Variants in UBE2V2 observed in about 807,000 individuals in gnomAD.
The protein encoded by UBE2V2 is ubiquitin-conjugating enzyme E2 variant 2.
In UBE2V2, 9 loss-of-function variants were observed where a neutral mutation model predicts 17.2. The observed-to-expected ratio is 0.52, with a 90% confidence interval of 0.32 to 0.91. The LOEUF (loss-of-function observed/expected upper bound fraction) is 0.91. UBE2V2 is among the 40% of genes least tolerant of loss of function. UBE2V2 has a pLI of 0.04. For synonymous variants in UBE2V2, 61 were observed against 57.5 expected (o/e 1.06, Z -0.28); for missense variants, 133 against 182.6 (o/e 0.73, Z 1.56).
intron 1 of UBE2V2, among the ~76,000 whole-genome samples, chr8:48,040,171 G>A (rs2091452058): frequency 6.6e-6 from 1 of 150,390 alleles, no homozygotes; most frequent in Admixed American, 6.7e-5. Flanking sequence ...GCTTGCTCTT[G>A]TGTGTACTCT....
chr8:48,056,731 T>G (rs2091574182), intron 3 of UBE2V2, among the ~76,000 whole-genome samples: 1 of 151,814 alleles, frequency 6.6e-6, no homozygotes, highest in Non-Finnish European at 1.5e-5. Flanking sequence ...TAAGTTTTTT[T>G]GTTTGTTTTT....
At chr8:48,020,770 T>C (rs2091299346) in intron 1 of UBE2V2, among the ~76,000 whole-genome samples, 1 of 152,156 alleles carries the variant, frequency 6.6e-6, no homozygotes, top group South Asian at 2.1e-4. Flanking sequence ...CAAACCTGGC[T>C]AATTTTATTT....
chr8:48,014,939 A>G (rs948522874), intron 1 of UBE2V2, among the ~76,000 whole-genome samples: 1 of 151,220 alleles, frequency 6.6e-6, no homozygotes, highest in South Asian at 2.1e-4. Context: ...AGTCCTGGCT[A>G]CTGGGGAGAC....
At chr8:48,022,680 C>T (rs920616962) in intron 1 of UBE2V2, among the ~76,000 whole-genome samples, 1 of 152,160 alleles carries the variant, frequency 6.6e-6, no homozygotes, top group African/African-American at 2.4e-5. Context: ...TCTTGTAAGG[C>T]AGGTCTTGTG....
rs566837039 is a variant in UBE2V2, at chr8:48,020,810, C to T, written c.16+12340C>T. 3.3e-5 allele frequency among the ~76,000 whole-genome samples: 5 copies of T among 151,860 alleles called. No individual in the cohort carries two copies. In the East Asian group the frequency reaches 5.8e-4, roughly 18 times the overall value. ...GTAGATACGGGGTCTTGCCATGTTGCGCAAGCGGGTTTGAACTCCTGGGCT... is the reference window on the plus strand; with the variant it reads ...GTAGATACGGGGTCTTGCCATGTTGTGCAAGCGGGTTTGAACTCCTGGGCT... On this transcript the variant is annotated intron_variant, in intron 1 of 3. Transcript: ENST00000523111.
rs777403092 is a variant in UBE2V2, at chr8:48,063,985, T to G, written c.*3157T>G. ...TATGAATGCTTTTTTCTTAATAGGTTTGGTGTGTGTGGCTTTGAATGGTTC... is the reference window on the plus strand; with the variant it reads ...TATGAATGCTTTTTTCTTAATAGGTGTGGTGTGTGTGGCTTTGAATGGTTC... On this transcript the variant is annotated 3_prime_UTR_variant, in exon 4 of 4. Coordinates refer to ENST00000523111, the MANE Select transcript of UBE2V2 (RefSeq NM_003350.3). The G allele has an allele frequency of 4.6e-5, 7 of 152,194 alleles. No individual in the cohort carries two copies. The highest frequency in any genetic ancestry group is 1.0e-4 in the Non-Finnish European group (7 of 68,040). The allele number at this position is 152,194 out of a possible 1,614,324, so 9.4% of individuals were successfully genotyped here. A position where few individuals can be genotyped will look rare whatever the true frequency, so the allele number is the denominator to read the frequency against.
chr8:48,034,423 C>T lies in UBE2V2; in HGVS notation c.17-8610C>T, dbSNP rs545253229. Among the ~76,000 whole-genome samples, 6 of 152,178 alleles carry T rather than the reference C, an allele frequency of 3.9e-5. No homozygotes were observed. In the South Asian group the frequency reaches 1.0e-3, roughly 26 times the overall value. On this transcript the variant is annotated intron_variant, in intron 1 of 3. Coordinates refer to ENST00000523111, the MANE Select transcript of UBE2V2 (RefSeq NM_003350.3). ...TACAGGCGTGAGCCACCGCACTTGC[C>T]CTGTTTTCTTTTTTTAAAGATTCCT...
upstream of UBE2V2, among the ~76,000 whole-genome samples, chr8:48,007,379 A>G (rs1183623772): frequency 6.6e-6 from 1 of 152,160 alleles, no homozygotes; most frequent in African/African-American, 2.4e-5. Context: ...TCAGCCCCAA[A>G]TCTTCTTAAG....
At chr8:48,038,169 G>C (rs763738966) in intron 1 of UBE2V2, among the ~76,000 whole-genome samples, 1 of 152,018 alleles carries the variant, frequency 6.6e-6, no homozygotes, top group Non-Finnish European at 1.5e-5. Flanking sequence ...TACCCACCCT[G>C]GCTATTCACA....
At chr8:48,054,210 G>T (rs2091557825) in intron 3 of UBE2V2, among the ~76,000 whole-genome samples, 1 of 152,194 alleles carries the variant, frequency 6.6e-6, no homozygotes, top group African/African-American at 2.4e-5. Flanking sequence ...AGGAGCAATA[G>T]AATTCAGTTC....
chr8:48,035,564 G>T (rs2154507463), intron 1 of UBE2V2, among the ~76,000 whole-genome samples: 1 of 150,080 alleles, frequency 6.7e-6, no homozygotes, highest in African/African-American at 2.4e-5. Flanking sequence ...GTCCTGAGGG[G>T]AAATTTCACA....
intron 3 of UBE2V2, among the ~76,000 whole-genome samples, chr8:48,058,443 C>T (rs547148036): frequency 1.3e-4 from 19 of 150,896 alleles, no homozygotes; most frequent in East Asian, 2.0e-4. Context: ...TGGTGGTGTG[C>T]GCCTGTAGTC....
At position 48,060,824 on chromosome 8, in the gene UBE2V2, A is replaced by G. The variant is rs1322739127; in HGVS notation, c.434A>G (p.Asn145Ser). 1.3e-6 allele frequency: 2 copies of G among 1,507,840 alleles called. No individual in the cohort carries two copies. Among genetic ancestry groups the G allele is most frequent in the Non-Finnish European group, 1.8e-6 (2 of 1,129,524 alleles). The allele number at this position is 1,507,840 out of a possible 1,614,324, so 93.4% of individuals were successfully genotyped here. The part of the protein sequence containing the change: ...PQPPEGQTYN[N>S] The stretch of plus-strand genomic sequence containing the variant: ...CCACCAGAAGGACAAACATACAACA[A>G]TTAATTTTAGTGGATCTCAAACTTG... The change falls in exon 4 of 4, where the codon AAT becomes AGT. Residue 145 changes from asparagine to serine, a missense_variant. This residue lies in a region of UBE2V2 where 14 missense variants were observed against 38.1 expected (regional missense o/e 0.37). Transcript: ENST00000523111.
intron 1 of UBE2V2, chr8:48,042,274 A>G (rs1026891855): frequency 6.6e-6 from 1 of 152,204 alleles, no homozygotes; most frequent in Admixed American, 6.5e-5. Context: ...AAAATCTCAC[A>G]AACACATTAA....
chr8:48,021,465 C>A (rs2091305113), intron 1 of UBE2V2, among the ~76,000 whole-genome samples: 1 of 151,672 alleles, frequency 6.6e-6, no homozygotes, highest in Non-Finnish European at 1.5e-5. Flanking sequence ...CACCACCACG[C>A]CCGGCTAATA....
chr8:48,021,305 T>C (rs2091303559), intron 1 of UBE2V2, among the ~76,000 whole-genome samples: 1 of 123,654 alleles, frequency 8.1e-6, no homozygotes, highest in African/African-American at 3.1e-5. Context: ...TCTCGAACCC[T>C]TTTTTTTTTT....
chr8:48,040,987 C>G (rs551531388), intron 1 of UBE2V2, among the ~76,000 whole-genome samples: 1 of 149,966 alleles, frequency 6.7e-6, no homozygotes, highest in South Asian at 2.1e-4. Flanking sequence ...GCCTCAGCCT[C>G]CCGAGTAGCT....
chr8:48,020,939 G>T (rs1012268493), intron 1 of UBE2V2, among the ~76,000 whole-genome samples: 1 of 150,546 alleles, frequency 6.6e-6, no homozygotes, highest in South Asian at 2.1e-4. Flanking sequence ...TAGAGACAAC[G>T]TCTTGCTATA....
At chr8:48,006,819 C>G (rs918523527), upstream of UBE2V2, among the ~76,000 whole-genome samples, 1 of 152,054 alleles carries the variant, frequency 6.6e-6, no homozygotes, top group Non-Finnish European at 1.5e-5. Flanking sequence ...TACGACAAAC[C>G]CACAGCCAAT....
Sources: allele counts gnomAD v4.1 joint callset (sites outside exome capture counted in the v4.1 genomes callset), GRCh38; gene constraint gnomAD v4.1.1; regional missense constraint gnomAD v4.1.1; transcripts MANE v1.5; gene names NCBI Gene and HGNC (gene_info 2026-07-23, HGNC 2026-07-21).